PTPRT: variants seen among roughly 807,000 people sequenced by gnomAD.
PTPRT encodes the protein protein tyrosine phosphatase receptor type T, also known as receptor-type tyrosine-protein phosphatase T.
Under a neutral mutation model 176.8 loss-of-function variants are expected in PTPRT, and 56 were observed. The ratio of observed to expected loss-of-function variants is 0.32; its 90% CI spans 0.26 to 0.40. The LOEUF (loss-of-function observed/expected upper bound fraction) is 0.40, where lower values mean the gene tolerates loss of function less well. Ranked by LOEUF, PTPRT falls within the 10% of genes least tolerant of loss-of-function variation. The pLI is 1.00. For missense variants in PTPRT, 1,540 were observed against 1,908.2 expected, an observed-to-expected ratio of 0.81 and a Z score of 3.60; for synonymous variants, 783 against 739.0, an observed-to-expected ratio of 1.06 and a Z score of -0.96.
chr20:42,590,974 G>A (rs918077231), intron 7 of PTPRT, among the ~76,000 whole-genome samples: 2 of 132,938 alleles, frequency 1.5e-5, no homozygotes, highest in Non-Finnish European at 3.1e-5. Context: ...GTGTGTGTGT[G>A]TAATGGGGCA....
At position 42,118,292 on chromosome 20, in the gene PTPRT, G is replaced by T. The variant is rs1036417188; in HGVS notation, c.2982+111C>A. On this transcript the variant is annotated intron_variant, in intron 21 of 30. Coordinates refer to ENST00000373187, the MANE Select transcript of PTPRT (RefSeq NM_007050.6). ...GATGACACCTCCCTTGTAGGTTGCCGTGAGGGTGAAATACTGACTAGGAGG... is the reference window on the plus strand; with the variant it reads ...GATGACACCTCCCTTGTAGGTTGCCTTGAGGGTGAAATACTGACTAGGAGG... 1.1e-5 allele frequency: 9 copies of T among 854,426 alleles called. No homozygotes were observed. In the East Asian group the frequency reaches 1.6e-4, roughly 15 times the overall value. The allele number at this position is 854,426 out of a possible 1,614,324, so 52.9% of individuals were successfully genotyped here. A position where few individuals can be genotyped will look rare whatever the true frequency, so the allele number is the denominator to read the frequency against.
intron 1 of PTPRT, among the ~76,000 whole-genome samples, chr20:43,083,351 T>TATATATACATATATATATAC (rs2011510773): frequency 8.7e-6 from 1 of 114,318 alleles, no homozygotes; most frequent in African/African-American, 3.4e-5. Context: ...TATATATATA[T>TATATATACATATATATATAC]ATATATATAT....
chr20:42,197,072 A>G (rs1365120179), intron 16 of PTPRT, among the ~76,000 whole-genome samples: 2 of 152,202 alleles, frequency 1.3e-5, no homozygotes, highest in African/African-American at 4.8e-5. Flanking sequence ...GCAGGACGAC[A>G]GCCCTAGACT....
chr20:42,426,429 C>T (rs530326832), intron 9 of PTPRT, among the ~76,000 whole-genome samples: 14 of 152,236 alleles, frequency 9.2e-5, no homozygotes, highest in South Asian at 8.3e-4. Context: ...ATCCCCTTTC[C>T]ACCTCCCCAT....
At chr20:42,106,658 T>C in intron 24 of PTPRT, 128 bp downstream of exon 24, 1 of 1,289,744 alleles carries the variant, frequency 7.8e-7, no homozygotes, top group Non-Finnish European at 1.1e-6. Context: ...GTCTACTCCC[T>C]CCTGCTTCTC....
At chr20:42,161,575 C>A (rs1051498898) in intron 16 of PTPRT, 33 bp from the exon 17 acceptor site, 1 of 1,551,950 alleles carries the variant, frequency 6.4e-7, no homozygotes, top group African/African-American at 1.4e-5. Context: ...CAGATCATCA[C>A]CTATAGAAGC....
chr20:42,659,930 G>A (rs796575975), intron 7 of PTPRT, among the ~76,000 whole-genome samples: 6 of 152,308 alleles, frequency 3.9e-5, no homozygotes, highest in African/African-American at 1.4e-4. Context: ...ACAGACGGCA[G>A]GAGTCAGGTG....
At chr20:42,336,591 AC>A (rs1488669252) in intron 11 of PTPRT, among the ~76,000 whole-genome samples, 3 of 152,182 alleles carry the variant, frequency 2.0e-5, no homozygotes, top group Admixed American at 2.0e-4. Context: ...CACTCAGTAC[AC>A]TGTAGTTCAA....
At chr20:42,798,813 C>T (rs1435026688) in intron 2 of PTPRT, among the ~76,000 whole-genome samples, 1 of 152,060 alleles carries the variant, frequency 6.6e-6, no homozygotes, top group Non-Finnish European at 1.5e-5. Context: ...AAACAACTAT[C>T]TAATAATCCA....
intron 2 of PTPRT, among the ~76,000 whole-genome samples, chr20:42,852,478 G>A (rs755366415): frequency 1.7e-4 from 26 of 152,002 alleles, no homozygotes; most frequent in African/African-American, 4.3e-4. Context: ...AATTTATTTC[G>A]TATCTGGTCC....
intron 2 of PTPRT, among the ~76,000 whole-genome samples, chr20:42,884,310 C>A (rs1335613506): frequency 1.3e-5 from 2 of 152,150 alleles, no homozygotes; most frequent in Non-Finnish European, 2.9e-5. Flanking sequence ...CTTGTATCAA[C>A]ACTTTTGAGA....
In PTPRT at chr20:42,763,013, A is replaced by C. The variant is rs1186694775; in HGVS notation, c.685-6377T>G. 2.0e-5 allele frequency among the ~76,000 whole-genome samples: 3 copies of C among 152,214 alleles called. No individual in the cohort carries two copies. The East Asian group carries it at 5.8e-4, about 29-fold the overall frequency. On this transcript the variant is annotated intron_variant, in intron 5 of 30. Coordinates refer to ENST00000373187, the MANE Select transcript of PTPRT (RefSeq NM_007050.6). ...GAAGAACAGGAGCTGTAATAGCTAC[A>C]CTTTAATGTTCTGTCCCCAGCACAA... is the stretch of plus-strand genomic sequence containing the variant.
At chr20:42,044,542 G>C in the PTPRT span, among the ~76,000 whole-genome samples, 1 of 152,214 alleles carries the variant, frequency 6.6e-6, no homozygotes, top group Non-Finnish European at 1.5e-5. Context: ...GTTGGCCAGA[G>C]TTAAGTCATG....
chr20:42,788,165 G>T (rs1041073748), intron 3 of PTPRT, among the ~76,000 whole-genome samples: 1 of 151,936 alleles, frequency 6.6e-6, no homozygotes, highest in African/African-American at 2.4e-5. Context: ...TCATTCATAG[G>T]TTCCTGCTGT....
chr20:42,765,659 G>A (rs1227621947), intron 5 of PTPRT, among the ~76,000 whole-genome samples: 2 of 151,718 alleles, frequency 1.3e-5, no homozygotes, highest in Non-Finnish European at 2.9e-5. Context: ...TGGAGTTATA[G>A]GAGTGTCTAT....
intron 7 of PTPRT, among the ~76,000 whole-genome samples, chr20:42,607,176 CA>C (rs372873412): frequency 0.09 from 13,725 of 151,854 alleles, 824 homozygotes; most frequent in Middle Eastern, 0.16. Context: ...TGGTGGCTAC[CA>C]GGGGGTGGGA....
chr20:42,059,552 G>T, the PTPRT span, among the ~76,000 whole-genome samples: 1 of 152,148 alleles, frequency 6.6e-6, no homozygotes, highest in African/African-American at 2.4e-5. Flanking sequence ...TATAAAAAAG[G>T]CAGTGTTTTT....
chr20:42,781,770 G>A (rs570076888), intron 3 of PTPRT, among the ~76,000 whole-genome samples: 1 of 152,248 alleles, frequency 6.6e-6, no homozygotes, highest in African/African-American at 2.4e-5. Flanking sequence ...TGCTTACACG[G>A]AAGATACTAA....
At chr20:42,329,467 A>G (rs1308311799) in intron 11 of PTPRT, among the ~76,000 whole-genome samples, 2 of 150,020 alleles carry the variant, frequency 1.3e-5, no homozygotes, top group Non-Finnish European at 3.0e-5. Flanking sequence ...AACCAAGAAT[A>G]TAGTGGCACA....
Sources: allele counts gnomAD v4.1 joint callset (sites outside exome capture counted in the v4.1 genomes callset), GRCh38; gene constraint gnomAD v4.1.1; transcripts MANE v1.5; gene names NCBI Gene and HGNC (gene_info 2026-07-23, HGNC 2026-07-21).